FLOT2: variants seen among roughly 807,000 people sequenced by gnomAD.
The protein encoded by FLOT2 is flotillin-2.
FLOT2 carries 35 observed loss-of-function variants against 54.9 expected under a neutral mutation model. The observed-to-expected ratio is 0.64, with a 90% confidence interval of 0.49 to 0.84. The LOEUF is 0.84. Ranked by LOEUF, FLOT2 falls within the 40% of genes least tolerant of loss-of-function variation. The pLI is 0.00. For missense variants in FLOT2, 464 were observed against 572.1 expected, an observed-to-expected ratio of 0.81 and a Z score of 1.93; for synonymous variants, 207 against 228.9, an observed-to-expected ratio of 0.90 and a Z score of 0.86.
chr17:28,895,056 T>TATG (rs1279171745), intron 1 of FLOT2, among the ~76,000 whole-genome samples: 3 of 151,080 alleles, frequency 2.0e-5, no homozygotes, highest in Non-Finnish European at 2.9e-5. Flanking sequence ...GGACCACAGG[T>TATG]ATGTGCCACC....
chr17:28,889,362 C>G (rs2039605669), intron 1 of FLOT2, among the ~76,000 whole-genome samples: 2 of 151,718 alleles, frequency 1.3e-5, no homozygotes, highest in South Asian at 4.1e-4. Context: ...CAGAATGTCA[C>G]TCTGTTGCCC....
At chr17:28,893,684 C>T (rs1040339170) in intron 1 of FLOT2, among the ~76,000 whole-genome samples, 1 of 152,186 alleles carries the variant, frequency 6.6e-6, no homozygotes, top group Non-Finnish European at 1.5e-5. Context: ...GACAGGCAGC[C>T]CAGCGCCAGG....
chr17:28,897,325 C>T lies in FLOT2; in HGVS notation c.49+201G>A, dbSNP rs964402588. 2.6e-5 allele frequency among the ~76,000 whole-genome samples: 4 copies of T among 152,244 alleles called. No individual in the cohort carries two copies. Among genetic ancestry groups the T allele is most frequent in the African/African-American group, 7.2e-5 (3 of 41,468 alleles). On this transcript the variant is annotated intron_variant, in intron 1 of 10. Transcript: ENST00000394908. The surrounding 1 kb of genome is among the most constrained non-coding windows in gnomAD (Gnocchi z 4.4). Reference sequence around the variant, plus strand: ...GGAAAACCCACAGCGGGAGGGGGAGCCCCTGGTGGGTGCCCGAGGGTGCGC... The same window carrying T: ...GGAAAACCCACAGCGGGAGGGGGAGTCCCTGGTGGGTGCCCGAGGGTGCGC...
At position 28,880,521 on chromosome 17, in the gene FLOT2, GGGCCGGGT is replaced by G; in HGVS notation, c.*32_*39del. 1 of 1,605,722 alleles carries G rather than the reference GGGCCGGGT, an allele frequency of 6.2e-7. No homozygotes were observed. Among genetic ancestry groups the G allele is most frequent in the Non-Finnish European group, 8.5e-7 (1 of 1,176,042 alleles). ...GGGATTAAAACGGGTGCTGGAGGGA[GGGCCGGGT>G]GGCTGCTGAAGAGAGTGGGCCTGCA... On this transcript the variant is annotated 3_prime_UTR_variant, in exon 11 of 11. Transcript: ENST00000394908.
In FLOT2 at chr17:28,881,316, G is replaced by A. The variant is rs373587327; in HGVS notation, c.974C>T (p.Ala325Val). ...EAEKIRKIGEAEAAVIEAMGK... is the reference protein window; with the variant it reads ...EAEKIRKIGEVEAAVIEAMGK... ...CATCGCCTCGATGACTGCCGCTTCCGCCTCCCCGATTTTGCGGATCTTCTC... is the reference window on the plus strand; with the variant it reads ...CATCGCCTCGATGACTGCCGCTTCCACCTCCCCGATTTTGCGGATCTTCTC... Residue 325 changes from alanine to valine, a missense_variant, in exon 9 of 11, where the codon GCG (alanine) becomes GTG (valine). Physicochemically the swap from Ala to Val is moderately conservative, Grantham distance 64. Coordinates refer to ENST00000394908, the MANE Select transcript of FLOT2 (RefSeq NM_004475.3). The A allele has an allele frequency of 2.9e-5, 46 of 1,613,726 alleles. No homozygotes were observed. The highest frequency in any genetic ancestry group is 4.5e-5 in the East Asian group (2 of 44,894).
At position 28,881,913 on chromosome 17, in the gene FLOT2, G is replaced by A. The variant is rs377344278; in HGVS notation, c.815C>T (p.Ala272Val). The change falls in exon 8 of 11, where the codon GCA becomes GTA. Residue 272 changes from alanine (A) to valine (V), a missense_variant. Ala to Val is a moderately conservative substitution (Grantham distance 64, BLOSUM62 0). Transcript: ENST00000394908. ...CTTGTCCGTACGCAGGATCTCCTGT[G>A]CCTCCACGGCAATCTGTTTCTTGCG... ...VQRKKQIAVEAQEILRTDKEL... is the reference protein window; with the variant it reads ...VQRKKQIAVEVQEILRTDKEL... The A allele has an allele frequency of 3.1e-6, 5 of 1,613,818 alleles. No homozygotes were observed. Among genetic ancestry groups the A allele is most frequent in the Non-Finnish European group, 4.2e-6 (5 of 1,180,044 alleles).
chr17:28,893,831 C>T (rs2039693482), intron 1 of FLOT2, among the ~76,000 whole-genome samples: 1 of 152,238 alleles, frequency 6.6e-6, no homozygotes, highest in Non-Finnish European at 1.5e-5. Flanking sequence ...TATTCTGTTT[C>T]ACTCTGACTA....
chr17:28,882,585 G>T lies in FLOT2; in HGVS notation c.453C>A (p.Ser151Arg). The T allele has an allele frequency of 6.2e-7, 1 of 1,611,134 alleles. No homozygotes were observed. The highest frequency in any genetic ancestry group is 8.5e-7 in the Non-Finnish European group (1 of 1,177,444). Residue 151 changes from serine to arginine, a missense_variant, in exon 5 of 11, where the codon AGC becomes AGA. By Grantham distance (110) the Ser-to-Arg change is moderately radical. Coordinates refer to ENST00000394908, the MANE Select transcript of FLOT2 (RefSeq NM_004475.3). This position sits in a 1 kb window ranked among gnomAD's most constrained non-coding sequence, Gnocchi z 5.6. ...DVGRMGIEIL[S>R]FTIKDVYDKV... The stretch of plus-strand genomic sequence containing the variant: ...CATCACGTCGTACCTTGATGGTGAA[G>T]CTGAGGATCTCAATGCCCATGCGGC...
At chr17:28,891,833 G>T (rs1450828094) in intron 1 of FLOT2, among the ~76,000 whole-genome samples, 1 of 152,164 alleles carries the variant, frequency 6.6e-6, no homozygotes, top group East Asian at 1.9e-4. Flanking sequence ...TGGAGGCAAA[G>T]AAATAAAGAA....
chr17:28,897,500 T>A lies in FLOT2; in HGVS notation c.49+26A>T. ...ACCCACCCCGAGCACCCTCCACAGC[T>A]CCCACCTTCCTCGCCGCCCCCTCAC... On this transcript the variant is annotated intron_variant, in intron 1 of 10. Coordinates refer to ENST00000394908, the MANE Select transcript of FLOT2 (RefSeq NM_004475.3). This position sits in a 1 kb window ranked among gnomAD's most constrained non-coding sequence, Gnocchi z 4.4. The A allele has an allele frequency of 6.3e-7, 1 of 1,596,278 alleles. No homozygotes were observed.
chr17:28,887,382 C>A (rs1412718124), intron 2 of FLOT2, among the ~76,000 whole-genome samples: 1 of 152,158 alleles, frequency 6.6e-6, no homozygotes, highest in East Asian at 1.9e-4. Flanking sequence ...GGCTGCCCCC[C>A]AGAAAAGGTG....
intron 1 of FLOT2, among the ~76,000 whole-genome samples, chr17:28,896,670 A>C (rs971922069): frequency 6.6e-6 from 1 of 152,130 alleles, no homozygotes; most frequent in Non-Finnish European, 1.5e-5. Flanking sequence ...AGTTCTACCA[A>C]ATCTGCACGC....
At chr17:28,894,460 C>T (rs1001781137) in intron 1 of FLOT2, among the ~76,000 whole-genome samples, 11 of 151,932 alleles carry the variant, frequency 7.2e-5, no homozygotes, top group African/African-American at 2.7e-4. Flanking sequence ...CCTGTCTCTA[C>T]TAAAAATATA....
intron 1 of FLOT2, among the ~76,000 whole-genome samples, chr17:28,895,892 T>C (rs2039732987): frequency 6.6e-6 from 1 of 152,152 alleles, no homozygotes; most frequent in East Asian, 1.9e-4. Context: ...CTGGGTGAGA[T>C]GCCTCTGGTC....
chr17:28,882,830 C>T lies in FLOT2; in HGVS notation c.347-139G>A, dbSNP rs2039479008. The T allele has an allele frequency of 1.5e-6, 1 of 680,680 alleles. No individual in the cohort carries two copies. The highest frequency in any genetic ancestry group is 2.5e-5 in the Admixed American group (1 of 40,168). 42.2% of individuals were successfully genotyped at this position (680,680 alleles called of 1,614,324 possible). On this transcript the variant is annotated intron_variant, in intron 4 of 10. Transcript: ENST00000394908. The surrounding 1 kb of genome is among the most constrained non-coding windows in gnomAD (Gnocchi z 5.6). ...TCTTCCTGGGGTATCTTCTCAACAG[C>T]ACTTAACACCGAGCTTCCTGCTGCA...
In FLOT2 at chr17:28,879,934, G is replaced by A; in HGVS notation, c.*627C>T. On this transcript the variant is annotated 3_prime_UTR_variant, in exon 11 of 11. Transcript: ENST00000394908. ...TTGCCTCTGTGCCCTTGGGGTCAGG[G>A]AGAAAGGACAGGGTATGAGCGCTGG... The A allele has an allele frequency of 1.0e-6, 1 of 986,366 alleles. No individual in the cohort carries two copies. Among genetic ancestry groups the A allele is most frequent in the Non-Finnish European group, 1.2e-6 (1 of 830,448 alleles). The allele number at this position is 986,366 out of a possible 1,614,324, so 61.1% of individuals were successfully genotyped here. A position where few individuals can be genotyped will look rare whatever the true frequency, so the allele number is the denominator to read the frequency against.
rs2039413603 is a variant in FLOT2, at chr17:28,879,524, G to A, written c.*1037C>T. ...CCCTGCCAAGACGCTTGGGTCCTGG[G>A]CTCTTCTGCCTCCATTGGAGCAAGG... On this transcript the variant is annotated 3_prime_UTR_variant, in exon 11 of 11. Transcript: ENST00000394908. 1 of 985,886 alleles carries A rather than the reference G, an allele frequency of 1.0e-6. No homozygotes were observed. Among genetic ancestry groups the A allele is most frequent in the Non-Finnish European group, 1.2e-6 (1 of 830,122 alleles). 61.1% of individuals were successfully genotyped at this position (985,886 alleles called of 1,614,324 possible). A position where few individuals can be genotyped will look rare whatever the true frequency, so the allele number is the denominator to read the frequency against.
chr17:28,881,798 C>G lies in FLOT2; in HGVS notation c.914+16G>C, dbSNP rs761960759. On this transcript the variant is annotated intron_variant, in intron 8 of 10. Transcript: ENST00000394908. ...GCCTGACTAAGCCCTGACCCCGGCACCTGGGCGGCTCTCACTTTTCACCCT... is the reference window on the plus strand; with the variant it reads ...GCCTGACTAAGCCCTGACCCCGGCAGCTGGGCGGCTCTCACTTTTCACCCT... The G allele has an allele frequency of 1.2e-6, 2 of 1,611,330 alleles. No homozygotes were observed. Among genetic ancestry groups the G allele is most frequent in the African/African-American group, 1.3e-5 (1 of 75,046 alleles).
chr17:28,888,930 C>T lies in FLOT2; in HGVS notation c.131+15G>A, dbSNP rs746680028. 1.3e-5 allele frequency: 21 copies of T among 1,609,854 alleles called. 1 individual carries two copies. The Middle Eastern group carries it at 9.9e-4, about 76-fold the overall frequency. On this transcript the variant is annotated intron_variant, in intron 2 of 10. Transcript: ENST00000394908. Reference sequence around the variant, plus strand: ...GCCCACTCCATGACAGGTCCTAGAGCCCCCAGGTGCTTACCTCTGAGTGTC... The same window carrying T: ...GCCCACTCCATGACAGGTCCTAGAGTCCCCAGGTGCTTACCTCTGAGTGTC...
Sources: gnomAD v4.1 joint callset for allele counts (sites outside exome capture counted in the v4.1 genomes callset) on GRCh38, gnomAD v4.1.1 for gene constraint, Gnocchi (gnomAD v3.1) non-coding constraint, MANE v1.5 for transcripts, NCBI Gene and HGNC (gene_info 2026-07-23, HGNC 2026-07-21) for gene names.